Variants in PFAS observed in about 807,000 individuals in gnomAD.
The protein encoded by PFAS is FGAM synthase.
PFAS carries 97 observed loss-of-function variants against 140.6 expected under a neutral mutation model. The observed-to-expected ratio is 0.69, with a 90% confidence interval of 0.59 to 0.82. The LOEUF (loss-of-function observed/expected upper bound fraction) is 0.82. Among genes scored for constraint, PFAS ranks in the 40% least tolerant of loss-of-function variants. The pLI, the probability that PFAS is intolerant of heterozygous loss-of-function variation, is 0.00. For missense variants in PFAS, 1,656 were observed against 1,780.2 expected (o/e 0.93, Z 1.26); for synonymous variants, 679 against 718.8 (o/e 0.94, Z 0.88).
At chr17:8,261,999 G>C (rs9898360) in intron 11 of PFAS, among the ~76,000 whole-genome samples, 1 of 150,212 alleles carries the variant, frequency 6.7e-6, no homozygotes, top group East Asian at 2.0e-4. Flanking sequence ...CTGGGCAACC[G>C]AGCAAGACCC....
intron 9 of PFAS, among the ~76,000 whole-genome samples, chr17:8,257,196 C>G (rs369784434): frequency 1.3e-5 from 2 of 152,222 alleles, no homozygotes; most frequent in South Asian, 4.1e-4. Context: ...AGCCTTCATT[C>G]AGCCAGAAAG....
chr17:8,261,457 T>A (rs1466445977), intron 11 of PFAS, among the ~76,000 whole-genome samples: 1 of 152,052 alleles, frequency 6.6e-6, no homozygotes, highest in African/African-American at 2.4e-5. Context: ...CAGGCTGGTC[T>A]CAAACTCCTG....
In PFAS at chr17:8,256,954, C is replaced by T; in HGVS notation, c.1066C>T (p.His356Tyr). Residue 356 changes from histidine to tyrosine, a missense_variant, in exon 9 of 28, where the codon CAT becomes TAT. Around this residue, in one of 2 missense-constraint regions of PFAS, gnomAD observed 773 missense variants for 757.3 expected, o/e 1.02. Coordinates refer to ENST00000314666, the MANE Select transcript of PFAS (RefSeq NM_012393.3). ...GTAGYCFGNL[H>Y]IPGYNLPWED... ...TGCCGGCTATTGCTTTGGAAATCTG[C>T]ATATTCCAGGTTCCATCTCCTTCCT... 1 of 1,614,130 alleles carries T rather than the reference C, an allele frequency of 6.2e-7. No individual in the cohort carries two copies. Among genetic ancestry groups the T allele is most frequent in the Non-Finnish European group, 8.5e-7 (1 of 1,179,988 alleles).
At chr17:8,254,401 G>T in intron 3 of PFAS, 100 bp downstream of exon 3, 1 of 1,404,938 alleles carries the variant, frequency 7.1e-7, no homozygotes, top group Non-Finnish European at 9.9e-7. Flanking sequence ...GCTACTTCCT[G>T]CCTAGGAAAC....
Position 8,266,307 on chromosome 17 carries a change from T to C in PFAS, c.2775T>C (p.Ala925=), listed in dbSNP as rs1370551414. ...LVTCLLEMAF[A]GNCGLQVDVP... is the part of the protein sequence containing the mutation. Reference sequence around the variant, plus strand: ...CATGCCTGCTGGAGATGGCCTTTGCTGGAAATTGCGGGCTACAGGTGGATG... The same window carrying C: ...CATGCCTGCTGGAGATGGCCTTTGCCGGAAATTGCGGGCTACAGGTGGATG... Residue 925 remains alanine, a synonymous_variant, in exon 22 of 28, where the codon GCT becomes GCC. Transcript: ENST00000314666. The surrounding 1 kb of genome is among the most constrained non-coding windows in gnomAD (Gnocchi z 5.0). 1.9e-6 allele frequency: 3 copies of C among 1,614,100 alleles called. No individual in the cohort carries two copies. Among genetic ancestry groups the C allele is most frequent in the Admixed American group, 1.7e-5 (1 of 60,018 alleles).
Position 8,253,927 on chromosome 17 carries a change from C to T in PFAS, c.-11C>T, listed in dbSNP as rs368608162. Reference sequence around the variant, plus strand: ...AAGGACACCTCTCTCCAGCAAAGGACACCTGCAGAGATGTCCCCAGTCCTT... The same window carrying T: ...AAGGACACCTCTCTCCAGCAAAGGATACCTGCAGAGATGTCCCCAGTCCTT... On this transcript the variant is annotated 5_prime_UTR_variant, in exon 2 of 28. Coordinates refer to ENST00000314666, the MANE Select transcript of PFAS (RefSeq NM_012393.3). 1.1e-5 allele frequency: 17 copies of T among 1,607,658 alleles called. No individual in the cohort carries two copies. In the African/African-American group the frequency reaches 1.9e-4, roughly 18 times the overall value.
rs1427081151 is a variant in PFAS, at chr17:8,264,350, G to A, written c.1917+13G>A. 2.5e-6 allele frequency: 4 copies of A among 1,613,418 alleles called. No individual in the cohort carries two copies. Among genetic ancestry groups the A allele is most frequent in the Non-Finnish European group, 2.5e-6 (3 of 1,179,738 alleles). ...GATGCCTCGGAAGGTATGTGGGGTT[G>A]AGGGGATGGGTTTTTCCTGTGGTCC... On this transcript the variant is annotated intron_variant, in intron 16 of 27. Transcript: ENST00000314666.
chr17:8,258,005 G>A, intron 10 of PFAS, 66 bp from the exon 11 acceptor site: 2 of 1,612,350 alleles, frequency 1.2e-6, no homozygotes, highest in Non-Finnish European at 1.7e-6. Context: ...TGCGACCCAG[G>A]GGCTGTGCTA....
At chr17:8,256,760 AT>A in intron 8 of PFAS, 74 bp from the exon 9 acceptor site, 1 of 1,553,094 alleles carries the variant, frequency 6.4e-7, no homozygotes, top group Non-Finnish European at 8.7e-7. Flanking sequence ...GGTTGTCCTT[AT>A]TTTCAGTGGG....
intron 11 of PFAS, among the ~76,000 whole-genome samples, chr17:8,262,040 A>G (rs1268385538): frequency 6.6e-6 from 1 of 151,896 alleles, no homozygotes; most frequent in Non-Finnish European, 1.5e-5. Flanking sequence ...TTTTTAGTGT[A>G]TAAGCCTTAC....
upstream of PFAS, chr17:8,249,202 G>C (rs141856851): frequency 9.2e-5 from 14 of 152,150 alleles, no homozygotes; most frequent in Non-Finnish European, 1.0e-4. Flanking sequence ...GAATTCGGCC[G>C]GGTGGCTGGG....
chr17:8,262,211 T>G (rs1989621273), intron 11 of PFAS, among the ~76,000 whole-genome samples: 3 of 152,128 alleles, frequency 2.0e-5, no homozygotes, highest in Non-Finnish European at 4.4e-5. Context: ...CTATATTCTC[T>G]TTTTTTGGTG....
chr17:8,259,539 T>G (rs1989508435), intron 11 of PFAS, among the ~76,000 whole-genome samples: 1 of 152,126 alleles, frequency 6.6e-6, no homozygotes, highest in South Asian at 2.1e-4. Flanking sequence ...CCCAGCACTT[T>G]GGGAGGCCAA....
intron 17 of PFAS, 102 bp from the exon 18 acceptor site, chr17:8,264,793 G>T: frequency 2.0e-6 from 2 of 1,013,848 alleles, no homozygotes; most frequent in Non-Finnish European, 1.4e-6. Context: ...TGCATTGGGG[G>T]AAAGACAGGC....
At chr17:8,264,393 A>G (rs1234163625) in intron 16 of PFAS, 56 bp downstream of exon 16, 1 of 1,611,792 alleles carries the variant, frequency 6.2e-7, no homozygotes, top group Non-Finnish European at 8.5e-7. Context: ...ACCACCCTTT[A>G]CCCTACGTGC....
Position 8,253,484 on chromosome 17 carries a change from A to G in PFAS, c.-79-375A>G, listed in dbSNP as rs1328634848. Among the ~76,000 whole-genome samples, 5 of 152,246 alleles carry G rather than the reference A, an allele frequency of 3.3e-5. No homozygotes were observed. In the East Asian group the frequency reaches 9.6e-4, roughly 29 times the overall value. ...CCCCTACCCTATCCATAACGCCGCA[A>G]TTTTCCTTGAAATCTGAAATCAGTT... is the stretch of plus-strand genomic sequence containing the variant. On this transcript the variant is annotated intron_variant, in intron 1 of 27. Transcript: ENST00000314666.
At chr17:8,251,471 AGACAGGGTC>A (rs1989149572) in intron 1 of PFAS, among the ~76,000 whole-genome samples, 7 of 151,274 alleles carry the variant, frequency 4.6e-5, no homozygotes, top group Non-Finnish European at 2.9e-5. Flanking sequence ...TTTTTTATAA[AGACAGGGTC>A]TTACCATGTT....
intron 15 of PFAS, 124 bp from the exon 16 acceptor site, chr17:8,264,088 G>T: frequency 2.1e-6 from 3 of 1,462,216 alleles, no homozygotes; most frequent in South Asian, 2.3e-5. Context: ...CCAAGGAGGG[G>T]CAGGGACTCA....
chr17:8,263,156 A>G lies in PFAS; in HGVS notation c.1458A>G (p.Arg486=), dbSNP rs139461193. ...ACCTGGACTTTGGGGCTGTGCAGCG[A>G]GGAGACCCGGAGATGGAACAGAAGA... The part of the protein sequence containing the change: ...TSDLDFGAVQ[R]GDPEMEQKMN... Residue 486 remains arginine, a synonymous_variant, in exon 13 of 28, where the codon CGA becomes CGG. Coordinates refer to ENST00000314666, the MANE Select transcript of PFAS (RefSeq NM_012393.3). The G allele has an allele frequency of 4.3e-5, 69 of 1,613,768 alleles. No homozygotes were observed. The Middle Eastern group carries it at 6.6e-4, about 15-fold the overall frequency.
Sources: allele counts gnomAD v4.1 joint callset (sites outside exome capture counted in the v4.1 genomes callset), GRCh38; gene constraint gnomAD v4.1.1; regional missense constraint gnomAD v4.1.1; non-coding constraint Gnocchi (gnomAD v3.1); transcripts MANE v1.5; gene names NCBI Gene and HGNC (gene_info 2026-07-23, HGNC 2026-07-21).